Variants in LMBR1 observed in about 807,000 individuals in gnomAD.
LMBR1 encodes limb region 1 protein homolog.
A neutral mutation model predicts 73.9 loss-of-function variants in LMBR1; 52 were observed. The ratio of observed to expected loss-of-function variants is 0.70; its 90% confidence interval spans 0.56 to 0.89. LMBR1 has a LOEUF of 0.89. Among genes scored for constraint, LMBR1 ranks in the 40% least tolerant of loss-of-function variants. The pLI, the probability that LMBR1 is intolerant of heterozygous loss-of-function variation, is 0.00. For synonymous variants in LMBR1, 215 were observed against 209.4 expected (o/e 1.03, Z -0.23); for missense variants, 539 against 579.8 (o/e 0.93, Z 0.72).
chr7:156,837,228 G>A (rs917367131), intron 1 of LMBR1, among the ~76,000 whole-genome samples: 3 of 151,070 alleles, frequency 2.0e-5, no homozygotes, highest in African/African-American at 4.9e-5. Context: ...CCAGCTACTC[G>A]AGATGCTGAG....
chr7:156,672,597 A>T (rs1235534794), intron 4 of LMBR1, among the ~76,000 whole-genome samples: 3 of 152,170 alleles, frequency 2.0e-5, no homozygotes, highest in African/African-American at 4.8e-5. Context: ...GAGCTAAGTA[A>T]CTCATTTATG....
chr7:156,693,156 GGAGAA>G (rs546832922), intron 15 of LMBR1, among the ~76,000 whole-genome samples: 163 of 152,182 alleles, frequency 1.1e-3, no homozygotes, highest in African/African-American at 3.6e-3. Flanking sequence ...AGTCCCTGAA[GGAGAA>G]GAGAAGAAAA....
At chr7:156,762,505 A>C (rs1360128953) in intron 7 of LMBR1, among the ~76,000 whole-genome samples, 1 of 152,246 alleles carries the variant, frequency 6.6e-6, no homozygotes, top group Non-Finnish European at 1.5e-5. Context: ...GCTTAAAATA[A>C]AGAAAAATTA....
intron 7 of LMBR1, 82 bp downstream of exon 7, chr7:156,763,026 T>C: frequency 1.4e-6 from 1 of 718,324 alleles, no homozygotes. Context: ...AGTTAAGAAA[T>C]CTCATCAGAA....
intron 3 of LMBR1, among the ~76,000 whole-genome samples, chr7:156,829,022 A>C (rs956380203): frequency 6.6e-6 from 1 of 151,740 alleles, no homozygotes; most frequent in African/African-American, 2.4e-5. Flanking sequence ...CTCCGCTTTT[A>C]CGTGCCTACC....
intron 15 of LMBR1, among the ~76,000 whole-genome samples, chr7:156,718,042 T>C (rs574704973): frequency 1.3e-5 from 2 of 152,158 alleles, no homozygotes; most frequent in African/African-American, 2.4e-5. Context: ...AAAAACACAA[T>C]TTCCTACAAA....
At chr7:156,824,142 ACGCG>A (rs113343314) in intron 4 of LMBR1, among the ~76,000 whole-genome samples, 10 of 151,632 alleles carry the variant, frequency 6.6e-5, no homozygotes, top group African/African-American at 1.2e-4. Flanking sequence ...ATATATACAC[ACGCG>A]CGCGCGCTGA....
intron 9 of LMBR1, among the ~76,000 whole-genome samples, chr7:156,753,854 C>A (rs112712572): frequency 6.6e-6 from 1 of 152,066 alleles, no homozygotes; most frequent in African/African-American, 2.4e-5. Context: ...CTTAGCCAAA[C>A]GACAGGTGCT....
intron 1 of LMBR1, among the ~76,000 whole-genome samples, chr7:156,872,618 G>C (rs1046064984): frequency 4.6e-5 from 7 of 151,528 alleles, no homozygotes; most frequent in Non-Finnish European, 1.0e-4. Flanking sequence ...TTGGACTCCA[G>C]CCTGGGTAAC....
chr7:156,734,991 A>G (rs1400251885), intron 9 of LMBR1, among the ~76,000 whole-genome samples: 1 of 152,240 alleles, frequency 6.6e-6, no homozygotes, highest in African/African-American at 2.4e-5. Context: ...ACAGCTGAAT[A>G]ACATTCCATA....
At chr7:156,862,025 T>C (rs1797792083) in intron 1 of LMBR1, among the ~76,000 whole-genome samples, 1 of 152,246 alleles carries the variant, frequency 6.6e-6, no homozygotes, top group Non-Finnish European at 1.5e-5. Flanking sequence ...TTCCACATTT[T>C]TGGGTATCTT....
intron 1 of LMBR1, among the ~76,000 whole-genome samples, chr7:156,882,445 G>C (rs1801238945): frequency 1.3e-5 from 2 of 152,060 alleles, no homozygotes. Flanking sequence ...GGAAAAAAAG[G>C]AAATTCTGCA....
chr7:156,708,717 G>A (rs1288603293), intron 15 of LMBR1, among the ~76,000 whole-genome samples: 1 of 152,222 alleles, frequency 6.6e-6, no homozygotes, highest in Non-Finnish European at 1.5e-5. Flanking sequence ...CTGCAGATAA[G>A]AGCACAGAAG....
chr7:156,885,595 G>A (rs941225120), intron 1 of LMBR1, among the ~76,000 whole-genome samples: 4 of 152,000 alleles, frequency 2.6e-5, no homozygotes, highest in African/African-American at 4.8e-5. Flanking sequence ...ATACAAAAAT[G>A]GCCAGACGCA....
chr7:156,861,925 G>A (rs907861697), intron 1 of LMBR1, among the ~76,000 whole-genome samples: 1 of 152,136 alleles, frequency 6.6e-6, no homozygotes, highest in African/African-American at 2.4e-5. Context: ...CAAGTCTCTA[G>A]GGAGATCCAA....
chr7:156,821,604 G>A (rs1834808965), intron 4 of LMBR1, among the ~76,000 whole-genome samples: 1 of 152,190 alleles, frequency 6.6e-6, no homozygotes, highest in Non-Finnish European at 1.5e-5. Flanking sequence ...TTGGAAAACT[G>A]GAAATAAGAA....
chr7:156,888,221 T>A (rs965588627), intron 1 of LMBR1, among the ~76,000 whole-genome samples: 1 of 151,352 alleles, frequency 6.6e-6, no homozygotes, highest in Non-Finnish European at 1.5e-5. Context: ...CCTTCCTGGC[T>A]AACATGGTGA....
chr7:156,796,047 C>A (rs1243555724), intron 5 of LMBR1, among the ~76,000 whole-genome samples: 1 of 152,064 alleles, frequency 6.6e-6, no homozygotes, highest in Admixed American at 6.6e-5. Flanking sequence ...AGCTAGATAA[C>A]AGAAAGGGGA....
At chr7:156,734,363 T>C (rs1272991262) in intron 9 of LMBR1, 106 bp from the exon 10 acceptor site, 1 of 625,018 alleles carries the variant, frequency 1.6e-6, no homozygotes, top group Non-Finnish European at 2.7e-6. Flanking sequence ...ATCCTGCTAA[T>C]CAAAAATAAC....
Sources: allele counts gnomAD v4.1 joint callset (sites outside exome capture counted in the v4.1 genomes callset), GRCh38; gene constraint gnomAD v4.1.1; transcripts MANE v1.5; gene names NCBI Gene and HGNC (gene_info 2026-07-23, HGNC 2026-07-21).